C6: variants seen among roughly 807,000 people sequenced by gnomAD.
C6 encodes complement component C6.
In C6, 101 loss-of-function variants were observed where a neutral mutation model predicts 112.9. That is an observed-to-expected ratio of 0.89 (90% CI 0.76 to 1.06). The LOEUF is 1.06. C6 is among the 50% of genes least tolerant of loss of function. The pLI is 0.00. For missense variants in C6, 1,202 were observed against 1,104.6 expected (o/e 1.09, Z -1.25); for synonymous variants, 431 against 384.1 (o/e 1.12, Z -1.43).
rs1463720966 is a variant in C6 at position 41,186,197 on chromosome 5, A to G, written c.599T>C (p.Leu200Pro). ...VQLMGNGFHF[L>P]AGEPRGEVLD... ...GACTTCTCCTCTGGGCTCTCCTGCC[A>G]GAAAATGAAACCTAGAAACAAAGTA... is the stretch of plus-strand genomic sequence containing the variant. The change falls in exon 6 of 18, where the codon CTG (leucine) becomes CCG (proline). Residue 200 changes from leucine to proline, a missense_variant. Physicochemically the swap from Leu to Pro is moderately conservative, Grantham distance 98 (BLOSUM62 -3). Coordinates refer to ENST00000337836, the MANE Select transcript of C6 (RefSeq NM_000065.5). 1.2e-6 allele frequency: 2 copies of G among 1,613,938 alleles called. No individual in the cohort carries two copies. Among genetic ancestry groups the G allele is most frequent in the Non-Finnish European group, 1.7e-6 (2 of 1,179,890 alleles).
intron 1 of C6, among the ~76,000 whole-genome samples, chr5:41,245,737 AT>A (rs200436892): frequency 2.2e-4 from 34 of 151,382 alleles, no homozygotes; most frequent in Non-Finnish European, 8.8e-5. Flanking sequence ...ACATTGATTG[AT>A]TTTTTTTTAA....
In C6 at chr5:41,159,217, C is replaced by G; in HGVS notation, c.1721G>C (p.Trp574Ser). The change falls in exon 12 of 18, where the codon TGG (tryptophan) becomes TCG (serine). Residue 574 changes from tryptophan (W) to serine (S), a missense_variant. Coordinates refer to ENST00000337836, the MANE Select transcript of C6 (RefSeq NM_000065.5). Reference sequence around the variant, plus strand: ...CTTATAAGTAGCATCACAGGTACTCCAGGAAGACCAACAACCCCACTGTCC... The same window carrying G: ...CTTATAAGTAGCATCACAGGTACTCGAGGAAGACCAACAACCCCACTGTCC... The part of the protein sequence containing the change: ...VDGQWGCWSS[W>S]STCDATYKRS... 1.2e-6 allele frequency: 2 copies of G among 1,613,398 alleles called. No homozygotes were observed. Among genetic ancestry groups the G allele is most frequent in the Non-Finnish European group, 1.7e-6 (2 of 1,179,686 alleles).
chr5:41,197,136 A>G (rs1440655633), intron 4 of C6, among the ~76,000 whole-genome samples: 2 of 152,174 alleles, frequency 1.3e-5, no homozygotes, highest in Middle Eastern at 3.2e-3. Context: ...TTTAATTAAT[A>G]GTGGGTTCCC....
At chr5:41,234,632 C>T (rs2150416945) in intron 1 of C6, among the ~76,000 whole-genome samples, 1 of 152,144 alleles carries the variant, frequency 6.6e-6, no homozygotes. Context: ...ACTAATGAAC[C>T]AATTGCCTAG....
intron 9 of C6, among the ~76,000 whole-genome samples, chr5:41,167,044 AT>A (rs999773133): frequency 5.0e-4 from 76 of 152,024 alleles, no homozygotes; most frequent in Middle Eastern, 3.4e-3. Context: ...TTTAATATTA[AT>A]TTTTTTATGT....
upstream of C6, among the ~76,000 whole-genome samples, chr5:41,216,679 C>A (rs2150400231): frequency 6.6e-6 from 1 of 152,248 alleles, no homozygotes; most frequent in Non-Finnish European, 1.5e-5. Context: ...ATGCATTCCT[C>A]ATTTTTCCAC....
At chr5:41,238,428 A>G (rs1209655525) in intron 1 of C6, among the ~76,000 whole-genome samples, 2 of 152,192 alleles carry the variant, frequency 1.3e-5, no homozygotes, top group African/African-American at 2.4e-5. Context: ...AATGCCACAT[A>G]TCTCATTCTT....
chr5:41,166,367 C>T (rs1411009244), intron 9 of C6, among the ~76,000 whole-genome samples: 2 of 151,914 alleles, frequency 1.3e-5, no homozygotes, highest in African/African-American at 4.8e-5. Flanking sequence ...TTCTTTTCCT[C>T]TCTATGCCTC....
Position 41,244,614 on chromosome 5 carries a change from A to G in C6, c.-21+16580T>C, listed in dbSNP as rs139315996. 3.3e-5 allele frequency among the ~76,000 whole-genome samples: 5 copies of G among 152,330 alleles called. No individual in the cohort carries two copies. In the East Asian group the frequency reaches 9.6e-4, roughly 29 times the overall value. ...TAATTCTAATCTATGCCTTGTGTCT[A>G]TGACCCTCCAGAACTGTCAACCACT... On this transcript the variant is annotated intron_variant, in intron 1 of 17. Transcript: ENST00000263413.
At chr5:41,194,462 G>A in intron 5 of C6, among the ~76,000 whole-genome samples, 1 of 152,070 alleles carries the variant, frequency 6.6e-6, no homozygotes, top group East Asian at 1.9e-4. Context: ...CATTTTACTG[G>A]TGTCCTCGGG....
intron 1 of C6, among the ~76,000 whole-genome samples, chr5:41,260,491 C>G (rs1182533771): frequency 6.8e-6 from 1 of 147,300 alleles, no homozygotes; most frequent in Non-Finnish European, 1.5e-5. Flanking sequence ...GCTGCAACTG[C>G]TGGCGCAGTG....
At position 41,201,269 on chromosome 5, in the gene C6, C is replaced by T. The variant is rs140257928; in HGVS notation, c.300+289G>A. Among the ~76,000 whole-genome samples the T allele has an allele frequency of 2.8e-4, 42 of 152,194 alleles. 1 individual carries two copies. In the East Asian group the frequency reaches 7.9e-3, roughly 29 times the overall value. On this transcript the variant is annotated intron_variant, in intron 3 of 17. Coordinates refer to ENST00000337836, the MANE Select transcript of C6 (RefSeq NM_000065.5). ...ATTACTCAATCTGTATACACTTTTG[C>T]TTTCAGAATTCTCAGAAGGCACAGG...
At chr5:41,239,038 A>T (rs1274181341) in intron 1 of C6, among the ~76,000 whole-genome samples, 2 of 151,880 alleles carry the variant, frequency 1.3e-5, no homozygotes, top group Admixed American at 6.5e-5. Context: ...CATGCATAGA[A>T]TGCATAATTA....
chr5:41,172,698 C>T lies in C6; in HGVS notation c.1169-351G>A, dbSNP rs77890977. 702 of 384,856 alleles carry T rather than the reference C, an allele frequency of 1.8e-3. 6 individuals are homozygous for T. The highest frequency in any genetic ancestry group is 0.013 in the African/African-American group (626 of 48,330). 23.8% of individuals were successfully genotyped at this position (384,856 alleles called of 1,614,324 possible). On this transcript the variant is annotated intron_variant, in intron 8 of 17. Transcript: ENST00000337836. ...ACTTAACACAATGGAGCTTTAAGCT[C>T]TCCCTTTCTATTGGCCGCTGCACTG...
intron 1 of C6, among the ~76,000 whole-genome samples, chr5:41,207,547 T>C (rs1209844010): frequency 2.0e-5 from 3 of 151,580 alleles, no homozygotes; most frequent in Admixed American, 2.0e-4. Context: ...ACCAAGCAAA[T>C]GGAAAACAAA....
At chr5:41,207,904 C>T (rs962582550) in intron 1 of C6, among the ~76,000 whole-genome samples, 12 of 152,192 alleles carry the variant, frequency 7.9e-5, no homozygotes, top group Non-Finnish European at 1.6e-4. Flanking sequence ...GAACTCTCCA[C>T]CCCAAATCAA....
At chr5:41,174,013 C>T (rs1025263256) in intron 8 of C6, among the ~76,000 whole-genome samples, 1 of 152,228 alleles carries the variant, frequency 6.6e-6, no homozygotes, top group African/African-American at 2.4e-5. Flanking sequence ...CTTTTCTTAA[C>T]CATTCTTTAG....
intron 16 of C6, 78 bp from the exon 17 acceptor site, chr5:41,149,560 T>C: frequency 6.3e-7 from 1 of 1,578,072 alleles, no homozygotes; most frequent in South Asian, 1.1e-5. Context: ...TGTAGTGTGT[T>C]CACTCACCAA....
upstream of C6, among the ~76,000 whole-genome samples, chr5:41,218,219 G>A (rs952021691): frequency 2.0e-5 from 3 of 152,016 alleles, no homozygotes; most frequent in Non-Finnish European, 2.9e-5. Flanking sequence ...TAAGAAATCC[G>A]TCTATTCACA....
Sources: gnomAD v4.1 joint callset for allele counts (sites outside exome capture counted in the v4.1 genomes callset) on GRCh38, gnomAD v4.1.1 for gene constraint, MANE v1.5 for transcripts, NCBI Gene and HGNC (gene_info 2026-07-23, HGNC 2026-07-21) for gene names.